RGS6: variants seen among roughly 807,000 people sequenced by gnomAD.
The protein encoded by RGS6 is regulator of G-protein signaling 6.
In RGS6, 30 loss-of-function variants were observed where a neutral mutation model predicts 78.5. The ratio of observed to expected loss-of-function variants is 0.38; its 90% CI spans 0.29 to 0.52. RGS6 has a LOEUF of 0.52. Ranked by LOEUF, RGS6 falls within the 20% of genes least tolerant of loss-of-function variation. The pLI is 0.85. For missense variants in RGS6, 495 were observed against 609.7 expected, an observed-to-expected ratio of 0.81 and a Z score of 1.98; for synonymous variants, 206 against 206.0, an observed-to-expected ratio of 1.00 and a Z score of 0.00.
intron 15 of RGS6, among the ~76,000 whole-genome samples, chr14:72,525,849 G>C (rs1190457654): frequency 6.6e-6 from 1 of 152,104 alleles, no homozygotes; most frequent in Non-Finnish European, 1.5e-5. Flanking sequence ...TTGCTCTGGG[G>C]GTTGCTCATT....
intron 2 of RGS6, among the ~76,000 whole-genome samples, chr14:72,256,806 G>T (rs1345260169): frequency 6.6e-6 from 1 of 152,192 alleles, no homozygotes; most frequent in Non-Finnish European, 1.5e-5. Flanking sequence ...TTTTAGAAAG[G>T]TGGTCTCACT....
rs2097690765 is a variant in RGS6 at position 72,562,678 on chromosome 14, G to A, written c.*211G>A. On this transcript the variant is annotated 3_prime_UTR_variant, in exon 18 of 18. Coordinates refer to ENST00000553525, the MANE Select transcript of RGS6 (RefSeq NM_001204424.2). ...CCACAGAGCCTGGGCTGGGCCCGGT[G>A]GAGGCTCCTGTTTACAGCCCTCTCT... The A allele has an allele frequency of 3.3e-6, 5 of 1,536,042 alleles. No homozygotes were observed. The highest frequency in any genetic ancestry group is 4.4e-6 in the Non-Finnish European group (5 of 1,146,918).
At chr14:71,930,745 G>A (rs1477852777), upstream of RGS6, among the ~76,000 whole-genome samples, 2 of 151,776 alleles carry the variant, frequency 1.3e-5, no homozygotes, top group East Asian at 3.9e-4. Context: ...CACTTTGGGT[G>A]GCCAAGGCGG....
chr14:72,395,431 A>G (rs1393808672), intron 3 of RGS6, among the ~76,000 whole-genome samples: 1 of 152,216 alleles, frequency 6.6e-6, no homozygotes, highest in Non-Finnish European at 1.5e-5. Context: ...AATTTAAAAA[A>G]TACATATTCA....
chr14:72,093,193 G>A (rs1331629906), intron 2 of RGS6, among the ~76,000 whole-genome samples: 1 of 152,056 alleles, frequency 6.6e-6, no homozygotes, highest in African/African-American at 2.4e-5. Context: ...CTTAAATTTG[G>A]TGCTTTTGTC....
At chr14:72,222,570 GAT>G (rs1291013961) in intron 2 of RGS6, among the ~76,000 whole-genome samples, 1 of 152,202 alleles carries the variant, frequency 6.6e-6, no homozygotes, top group African/African-American at 2.4e-5. Flanking sequence ...TGCTGTGGCA[GAT>G]GTAACTAGAA....
At chr14:72,624,408 G>A in the RGS6 span, among the ~76,000 whole-genome samples, 6,164 of 140,778 alleles carry the variant, frequency 0.044, 234 homozygotes, top group East Asian at 0.11. Flanking sequence ...GTGCCATCTC[G>A]GCTCACTGCA....
chr14:72,265,889 A>G (rs1460376790), intron 2 of RGS6, among the ~76,000 whole-genome samples: 2 of 139,486 alleles, frequency 1.4e-5, no homozygotes, highest in East Asian at 2.2e-4. Flanking sequence ...CAACAATTTC[A>G]GCCTTTATTA....
chr14:72,341,126 T>G (rs541002164), intron 2 of RGS6, among the ~76,000 whole-genome samples: 36 of 152,008 alleles, frequency 2.4e-4, no homozygotes, highest in Non-Finnish European at 5.1e-4. Flanking sequence ...AGAAAAGAGG[T>G]TTAATTGACT....
chr14:72,159,897 A>G (rs1295387628), intron 2 of RGS6, among the ~76,000 whole-genome samples: 1 of 152,216 alleles, frequency 6.6e-6, no homozygotes, highest in Non-Finnish European at 1.5e-5. Context: ...CCAATTTGAA[A>G]CTTTGCAAAT....
At chr14:72,290,015 C>G (rs2063301038) in intron 2 of RGS6, among the ~76,000 whole-genome samples, 1 of 152,130 alleles carries the variant, frequency 6.6e-6, no homozygotes. Flanking sequence ...GTTTATTCTT[C>G]ACTATCAAGA....
rs1201408507 is a variant in RGS6, at chr14:72,284,364, C to CCA, written c.85-67730_85-67729insAC. Among the ~76,000 whole-genome samples, 3 of 152,162 alleles carry CCA rather than the reference C, an allele frequency of 2.0e-5. No individual in the cohort carries two copies. The South Asian group carries it at 6.2e-4, about 32-fold the overall frequency. ...AGGCCTAGGAGGAAAAAATGGCCCC[C>CCA]CCACCTGCTATGTGCAGCTTAGGGA... On this transcript the variant is annotated intron_variant, in intron 2 of 17. Transcript: ENST00000553525.
intron 2 of RGS6, among the ~76,000 whole-genome samples, chr14:72,177,607 G>A (rs1264630845): frequency 6.6e-6 from 1 of 152,166 alleles, no homozygotes; most frequent in Admixed American, 6.5e-5. Context: ...TTTTTGGTCT[G>A]CTTTCTAGTT....
At chr14:71,910,932 A>T in the RGS6 span, among the ~76,000 whole-genome samples, 1 of 152,116 alleles carries the variant, frequency 6.6e-6, no homozygotes, top group Non-Finnish European at 1.5e-5. Flanking sequence ...TTTTTTTCCC[A>T]GCTCTGTTGG....
rs79725938 is a variant in RGS6 at position 72,400,689 on chromosome 14, A to G, written c.184+48495A>G. ...ATTTGAATTCTTTCTATGCATATAC[A>G]TAAGTAGAAGTCTGGCAGACTAGAG... On this transcript the variant is annotated intron_variant, in intron 3 of 17. Coordinates refer to ENST00000553525, the MANE Select transcript of RGS6 (RefSeq NM_001204424.2). Among the ~76,000 whole-genome samples the G allele has an allele frequency of 3.3e-5, 5 of 152,356 alleles. No homozygotes were observed. In the South Asian group the frequency reaches 6.2e-4, roughly 19 times the overall value.
At chr14:72,437,360 AAAG>A (rs1357970483) in intron 3 of RGS6, among the ~76,000 whole-genome samples, 27 of 147,564 alleles carry the variant, frequency 1.8e-4, no homozygotes, top group Non-Finnish European at 3.1e-4. Flanking sequence ...AAAAAAAAAA[AAAG>A]GAAAAAAAAA....
chr14:72,113,116 C>A (rs1171585478), intron 2 of RGS6, among the ~76,000 whole-genome samples: 1 of 151,908 alleles, frequency 6.6e-6, no homozygotes, highest in Non-Finnish European at 1.5e-5. Context: ...ACACACACAC[C>A]CCACTTCATG....
intron 2 of RGS6, among the ~76,000 whole-genome samples, chr14:72,243,322 T>G (rs2053394354): frequency 7.4e-6 from 1 of 135,130 alleles, no homozygotes. Flanking sequence ...CTGGCAAATC[T>G]CAGTTTCTTG....
intron 3 of RGS6, among the ~76,000 whole-genome samples, chr14:72,358,854 A>G (rs1596241157): frequency 6.6e-6 from 1 of 152,282 alleles, no homozygotes; most frequent in East Asian, 1.9e-4. Flanking sequence ...GCTGGGGTAG[A>G]ATGATATGGT....
Sources: gnomAD v4.1 joint callset for allele counts (sites outside exome capture counted in the v4.1 genomes callset) on GRCh38, gnomAD v4.1.1 for gene constraint, MANE v1.5 for transcripts, NCBI Gene and HGNC (gene_info 2026-07-23, HGNC 2026-07-21) for gene names.